Variants in DCAF7 observed in about 807,000 individuals in gnomAD.
DCAF7 encodes DDB1 and CUL4 associated factor 7.
A neutral mutation model predicts 41.2 loss-of-function variants in DCAF7; 4 were observed. That is an observed-to-expected ratio of 0.10 (90% CI 0.05 to 0.22). DCAF7 has a LOEUF of 0.22. Ranked by LOEUF, DCAF7 falls within the 10% of genes least tolerant of loss-of-function variation. The probability of loss-of-function intolerance (pLI) is 1.00; values close to 1 mark genes in which losing one functional copy is unlikely to be tolerated. For missense variants in DCAF7, 131 were observed against 443.2 expected (o/e 0.30, Z 6.32); for synonymous variants, 143 against 164.2 (o/e 0.87, Z 0.99).
At chr17:63,582,449 TCTCTTCGTCC>T (rs1310232111) in intron 4 of DCAF7, among the ~76,000 whole-genome samples, 3 of 151,922 alleles carry the variant, frequency 2.0e-5, no homozygotes, top group Non-Finnish European at 2.9e-5. Flanking sequence ...TCTCTGGCTC[TCTCTTCGTCC>T]CTCTTCGTCC....
At chr17:63,583,400 T>A (rs117406819) in intron 4 of DCAF7, 102 bp from the exon 5 acceptor site, 19,916 of 1,026,920 alleles carry the variant, frequency 0.019, 226 homozygotes, top group Non-Finnish European at 0.024. Flanking sequence ...TGCTTTTGTG[T>A]CATGAGCGAG....
Position 63,592,416 on chromosome 17 carries a change from A to T in DCAF7, c.*3244A>T, listed in dbSNP as rs962748099. On this transcript the variant is annotated 3_prime_UTR_variant, in exon 7 of 7. Transcript: ENST00000614556. ...CAAGACTCCGTCTCAAAAAATAAAAAAAAAAAAAAAATAGGTGAAAATTCC... is the reference window on the plus strand; with the variant it reads ...CAAGACTCCGTCTCAAAAAATAAAATAAAAAAAAAAATAGGTGAAAATTCC... 1.2e-4 allele frequency: 18 copies of T among 149,632 alleles called. No homozygotes were observed. The highest frequency in any genetic ancestry group is 2.3e-4 in the African/African-American group (9 of 39,094). The allele number at this position is 149,632 out of a possible 1,614,324, so 9.3% of individuals were successfully genotyped here.
intron 1 of DCAF7, among the ~76,000 whole-genome samples, chr17:63,560,288 T>C (rs369500759): frequency 1.3e-5 from 2 of 152,332 alleles, no homozygotes; most frequent in East Asian, 3.9e-4. Flanking sequence ...CACCTGGTAG[T>C]TCCGCTAGTG....
chr17:63,571,974 C>G (rs771577062), intron 1 of DCAF7, among the ~76,000 whole-genome samples: 3 of 151,854 alleles, frequency 2.0e-5, no homozygotes, highest in Non-Finnish European at 4.4e-5. Flanking sequence ...AAGTAAGACA[C>G]AGGCCTATAT....
chr17:63,560,074 A>G (rs1020890616), intron 1 of DCAF7, among the ~76,000 whole-genome samples: 2 of 152,192 alleles, frequency 1.3e-5, no homozygotes, highest in Non-Finnish European at 2.9e-5. Flanking sequence ...AAAAAGAGAA[A>G]TAGATAGGAA....
At chr17:63,557,844 C>G (rs1450848878) in intron 1 of DCAF7, among the ~76,000 whole-genome samples, 1 of 152,184 alleles carries the variant, frequency 6.6e-6, no homozygotes, top group African/African-American at 2.4e-5. Flanking sequence ...ACAGTTGGCA[C>G]TGAAACATTT....
intron 1 of DCAF7, among the ~76,000 whole-genome samples, chr17:63,568,845 G>A (rs1477103810): frequency 2.6e-5 from 4 of 152,134 alleles, no homozygotes; most frequent in Admixed American, 1.3e-4. Flanking sequence ...ATTCTCACTC[G>A]CTATGTATGC....
chr17:63,553,800 T>C (rs1598023989), intron 1 of DCAF7, among the ~76,000 whole-genome samples: 1 of 152,196 alleles, frequency 6.6e-6, no homozygotes, highest in East Asian at 1.9e-4. Flanking sequence ...TAGAATTAAG[T>C]CTATCAACAG....
Position 63,588,994 on chromosome 17 carries a change from C to A in DCAF7, c.857-6C>A. On this transcript the variant is annotated splice_polypyrimidine_tract_variant and splice_region_variant and intron_variant, in intron 6 of 6. Coordinates refer to ENST00000614556, the MANE Select transcript of DCAF7 (RefSeq NM_005828.5). ...GACCTTGCTTGCTGGCTTTCTTTGT[C>A]CCTAGCGGATGACCACCAGGCTCTC... 4.4e-6 allele frequency: 7 copies of A among 1,605,822 alleles called. No individual in the cohort carries two copies. The highest frequency in any genetic ancestry group is 6.0e-6 in the Non-Finnish European group (7 of 1,174,376).
At chr17:63,560,534 G>A (rs2033369296) in intron 1 of DCAF7, among the ~76,000 whole-genome samples, 1 of 152,112 alleles carries the variant, frequency 6.6e-6, no homozygotes, top group South Asian at 2.1e-4. Context: ...AAACACCTGT[G>A]TTTTTTAAAA....
At chr17:63,555,456 C>T (rs2033300339) in intron 1 of DCAF7, among the ~76,000 whole-genome samples, 1 of 152,112 alleles carries the variant, frequency 6.6e-6, no homozygotes, top group Non-Finnish European at 1.5e-5. Context: ...AATACAATTA[C>T]TTTATATGTT....
chr17:63,556,397 C>T (rs2033311478), intron 1 of DCAF7, among the ~76,000 whole-genome samples: 1 of 151,934 alleles, frequency 6.6e-6, no homozygotes, highest in African/African-American at 2.4e-5. Flanking sequence ...TGGAGAAACC[C>T]TGTCTCTACT....
intron 1 of DCAF7, among the ~76,000 whole-genome samples, chr17:63,564,528 G>A (rs545164352): frequency 6.6e-6 from 1 of 152,234 alleles, no homozygotes; most frequent in Non-Finnish European, 1.5e-5. Flanking sequence ...GGAAAATGCA[G>A]TTTGGCCTTG....
At chr17:63,564,991 T>C (rs763223640) in intron 1 of DCAF7, among the ~76,000 whole-genome samples, 6 of 152,122 alleles carry the variant, frequency 3.9e-5, no homozygotes, top group Non-Finnish European at 8.8e-5. Context: ...AGATGAGGAG[T>C]TGGGCTCAGT....
chr17:63,577,809 C>T (rs147009892), intron 1 of DCAF7, among the ~76,000 whole-genome samples: 2 of 152,232 alleles, frequency 1.3e-5, no homozygotes, highest in Non-Finnish European at 2.9e-5. Context: ...CAAGAACCAC[C>T]CCTGGTCATT....
chr17:63,553,591 T>C (rs2033280960), intron 1 of DCAF7, among the ~76,000 whole-genome samples: 2 of 152,202 alleles, frequency 1.3e-5, no homozygotes, highest in Non-Finnish European at 2.9e-5. Context: ...AGACCATTGG[T>C]TCCTGCTTGC....
intron 1 of DCAF7, among the ~76,000 whole-genome samples, chr17:63,564,844 T>C (rs1248342789): frequency 2.0e-5 from 3 of 152,210 alleles, no homozygotes; most frequent in Non-Finnish European, 2.9e-5. Context: ...ACTCCCACGC[T>C]CAGTATTCCC....
chr17:63,569,540 A>G (rs1281239327), intron 1 of DCAF7, among the ~76,000 whole-genome samples: 1 of 152,182 alleles, frequency 6.6e-6, no homozygotes, highest in South Asian at 2.1e-4. Flanking sequence ...AGCACCATCC[A>G]CAGTCATGGC....
intron 5 of DCAF7, 24 bp from the exon 6 acceptor site, chr17:63,585,187 G>T: frequency 6.3e-7 from 1 of 1,593,706 alleles, no homozygotes; most frequent in Non-Finnish European, 8.6e-7. Flanking sequence ...ATGATCCCAG[G>T]CCTTTTACTT....
Sources: allele counts gnomAD v4.1 joint callset (sites outside exome capture counted in the v4.1 genomes callset), GRCh38; gene constraint gnomAD v4.1.1; transcripts MANE v1.5; gene names NCBI Gene and HGNC (gene_info 2026-07-23, HGNC 2026-07-21).